Variants in NAF1 observed in about 807,000 individuals in gnomAD.
NAF1 encodes the protein H/ACA ribonucleoprotein complex non-core subunit NAF1.
Under a neutral mutation model 40.6 loss-of-function variants are expected in NAF1, and 11 were observed. The ratio of observed to expected loss-of-function variants is 0.27; its 90% CI spans 0.17 to 0.45. NAF1 has a LOEUF of 0.45. NAF1 is among the 20% of genes least tolerant of loss of function. NAF1 has a pLI of 1.00. For synonymous variants in NAF1, 260 were observed against 228.5 expected (o/e 1.14, Z -1.24); for missense variants, 607 against 611.1 (o/e 0.99, Z 0.07).
At position 163,129,123 on chromosome 4, in the gene NAF1, G is replaced by A; in HGVS notation, c.1259C>T (p.Pro420Leu). The change falls in exon 8 of 8, where the codon CCA (proline) becomes CTA (leucine). Residue 420 changes from proline (P) to leucine (L), a missense_variant. Pro to Leu is a moderately conservative substitution (Grantham distance 98). Transcript: ENST00000274054. ...CACTGGAAGAGGAAAGGGGTATTGT[G>A]GCATAATGGGATTATTTTGTCTCTG... Reference protein sequence around the residue: ...PSQRQNNPIMPQYPFPLPVFD... With the variant: ...PSQRQNNPIMLQYPFPLPVFD... 6.2e-7 allele frequency: 1 copy of A among 1,613,450 alleles called. No homozygotes were observed. Among genetic ancestry groups the A allele is most frequent in the Non-Finnish European group, 8.5e-7 (1 of 1,179,500 alleles).
At chr4:163,124,207 C>A (rs1243633864), downstream of NAF1, among the ~76,000 whole-genome samples, 2 of 152,158 alleles carry the variant, frequency 1.3e-5, no homozygotes, top group African/African-American at 2.4e-5. Flanking sequence ...AATAAGTACG[C>A]CTTACAGTTC....
downstream of NAF1, among the ~76,000 whole-genome samples, chr4:163,122,915 T>C (rs1730556074): frequency 6.6e-6 from 1 of 152,178 alleles, no homozygotes; most frequent in Admixed American, 6.5e-5. Flanking sequence ...GATATTCTGA[T>C]AAAAAAGCAC....
At chr4:163,145,348 C>T (rs1024679194) in intron 4 of NAF1, among the ~76,000 whole-genome samples, 10 of 152,102 alleles carry the variant, frequency 6.6e-5, no homozygotes, top group African/African-American at 2.2e-4. Context: ...GATTCCACAC[C>T]GAGCTTCCAC....
rs375889141 is a variant in NAF1 at position 163,133,129 on chromosome 4, G to A, written c.1033+25C>T. 35 of 1,526,040 alleles carry A rather than the reference G, an allele frequency of 2.3e-5. No homozygotes were observed. In the East Asian group the frequency reaches 3.6e-4, roughly 16 times the overall value. 94.5% of individuals were successfully genotyped at this position (1,526,040 alleles called of 1,614,324 possible). A position where few individuals can be genotyped will look rare whatever the true frequency, so the allele number is the denominator to read the frequency against. The stretch of plus-strand genomic sequence containing the variant: ...ATAGATGTAAATGAAGATAAAGAAC[G>A]AGTATATATATTGTATTCACTCACC... On this transcript the variant is annotated intron_variant, in intron 7 of 7. Transcript: ENST00000274054.
Position 163,145,763 on chromosome 4 carries a change from T to C in NAF1, c.717+19A>G. The C allele has an allele frequency of 6.8e-7, 1 of 1,468,160 alleles. No homozygotes were observed. The highest frequency in any genetic ancestry group is 9.4e-7 in the Non-Finnish European group (1 of 1,065,316). The allele number at this position is 1,468,160 out of a possible 1,614,324, so 90.9% of individuals were successfully genotyped here. ...TAAATAAATAGAATAATTTGTAAGATTTGAAATGTTTTACAAACCTTTCCT... is the reference window on the plus strand; with the variant it reads ...TAAATAAATAGAATAATTTGTAAGACTTGAAATGTTTTACAAACCTTTCCT... On this transcript the variant is annotated intron_variant, in intron 4 of 7. Transcript: ENST00000274054.
At chr4:163,104,491 A>T in the NAF1 span, among the ~76,000 whole-genome samples, 2 of 152,202 alleles carry the variant, frequency 1.3e-5, no homozygotes, top group African/African-American at 4.8e-5. Context: ...TTGGATTCTG[A>T]TATATTTCAT....
chr4:163,165,281 C>T lies in NAF1; in HGVS notation c.366-890G>A, dbSNP rs537004629. Among the ~76,000 whole-genome samples the T allele has an allele frequency of 2.0e-5, 3 of 152,318 alleles. No homozygotes were observed. In the South Asian group the frequency reaches 6.2e-4, roughly 32 times the overall value. On this transcript the variant is annotated intron_variant, in intron 1 of 7. Transcript: ENST00000274054. ...TGCTGTTAACTGGCAAAAAGTTGTA[C>T]CCCTTTTGACTTCTTCAAATATTTG...
chr4:163,145,842 G>C lies in NAF1; in HGVS notation c.657C>G (p.Asn219Lys), dbSNP rs1218156215. The change falls in exon 4 of 8, where the codon AAC becomes AAG. Residue 219 changes from asparagine (N) to lysine (K), a missense_variant. By Grantham distance (94) the Asn-to-Lys change is moderately conservative. Transcript: ENST00000274054. ...CAGTCTCCTCATTAACTGGAGGTAG[G>C]TTAGTCATAGATTCAATTATTACTG... ...EQLVIIESMT[N>K]LPPVNEETVI... The C allele has an allele frequency of 6.4e-7, 1 of 1,554,074 alleles. No individual in the cohort carries two copies. Among genetic ancestry groups the C allele is most frequent in the Admixed American group, 1.7e-5 (1 of 58,592 alleles).
intron 3 of NAF1, 108 bp downstream of exon 3, chr4:163,148,231 TAA>T: frequency 1.8e-6 from 1 of 542,226 alleles, no homozygotes; most frequent in Non-Finnish European, 3.2e-6. Context: ...GACTATAAAA[TAA>T]AGTGTTAATT....
intron 6 of NAF1, among the ~76,000 whole-genome samples, chr4:163,136,626 T>C (rs564837108): frequency 1.4e-4 from 22 of 152,228 alleles, no homozygotes; most frequent in Non-Finnish European, 2.8e-4. Context: ...ACTTCACATC[T>C]CTAGGAAGAC....
intron 3 of NAF1, among the ~76,000 whole-genome samples, chr4:163,147,452 T>G (rs1354700773): frequency 6.6e-6 from 1 of 152,180 alleles, no homozygotes; most frequent in Non-Finnish European, 1.5e-5. Context: ...GAGTTAATAG[T>G]ACCTATATTA....
At chr4:163,135,504 A>C (rs1275209983) in intron 6 of NAF1, 2 of 152,198 alleles carry the variant, frequency 1.3e-5, no homozygotes, top group Non-Finnish European at 2.9e-5. Context: ...GAATATCTGG[A>C]TTTTGGCCAG....
intron 6 of NAF1, among the ~76,000 whole-genome samples, chr4:163,136,779 A>G (rs1455835543): frequency 6.6e-6 from 1 of 152,174 alleles, no homozygotes; most frequent in African/African-American, 2.4e-5. Flanking sequence ...TGTGCTTCCA[A>G]TGATTCTGTA....
chr4:163,140,558 T>C (rs1364032606), intron 4 of NAF1, among the ~76,000 whole-genome samples, 175 bp from the exon 5 acceptor site: 2 of 152,200 alleles, frequency 1.3e-5, no homozygotes, highest in Non-Finnish European at 2.9e-5. Context: ...TATTCAGTCT[T>C]CATATATTGA....
intron 4 of NAF1, among the ~76,000 whole-genome samples, chr4:163,140,604 A>G (rs966215434): frequency 6.6e-6 from 1 of 152,192 alleles, no homozygotes; most frequent in Non-Finnish European, 1.5e-5. Flanking sequence ...TTTCCCTTCT[A>G]TGAATGTGAA....
chr4:163,111,937 A>C (rs180782782), intron 2 of NAF1, among the ~76,000 whole-genome samples: 25 of 152,330 alleles, frequency 1.6e-4, no homozygotes, highest in Non-Finnish European at 8.8e-5. Flanking sequence ...CTGAGGTCAG[A>C]CCATCATAGT....
At chr4:163,133,032 G>T in intron 7 of NAF1, 122 bp downstream of exon 7, 1 of 783,642 alleles carries the variant, frequency 1.3e-6, no homozygotes, top group Non-Finnish European at 2.0e-6. Context: ...GGCTCTAAAT[G>T]TTAGCAGGAT....
At chr4:163,153,189 CG>C (rs1383569070) in intron 2 of NAF1, among the ~76,000 whole-genome samples, 1 of 152,224 alleles carries the variant, frequency 6.6e-6, no homozygotes, top group Non-Finnish European at 1.5e-5. Flanking sequence ...CCCTGCTCCA[CG>C]GCGCCGAGTC....
At chr4:163,136,356 A>AC (rs1731058073) in intron 6 of NAF1, 1 of 150,598 alleles carries the variant, frequency 6.6e-6, no homozygotes, top group African/African-American at 2.4e-5. Context: ...CAAAAAAAAA[A>AC]CTGTAATACT....
Sources: allele counts gnomAD v4.1 joint callset (sites outside exome capture counted in the v4.1 genomes callset), GRCh38; gene constraint gnomAD v4.1.1; transcripts MANE v1.5; gene names NCBI Gene and HGNC (gene_info 2026-07-23, HGNC 2026-07-21).